Variants in ARL13B observed in about 807,000 individuals in gnomAD.
ARL13B encodes ARF like GTPase 13B.
In ARL13B, 36 loss-of-function variants were observed where a neutral mutation model predicts 56.1. The ratio of observed to expected loss-of-function variants is 0.64; its 90% CI spans 0.49 to 0.85. ARL13B has a LOEUF of 0.85. Among genes scored for constraint, ARL13B ranks in the 40% least tolerant of loss-of-function variants. The pLI, the probability that ARL13B is intolerant of heterozygous loss-of-function variation, is 0.00. For synonymous variants in ARL13B, 178 were observed against 171.1 expected, an observed-to-expected ratio of 1.04 and a Z score of -0.32; for missense variants, 519 against 507.1, an observed-to-expected ratio of 1.02 and a Z score of -0.23.
At chr3:93,980,582 C>A in intron 1 of ARL13B, 100 bp downstream of exon 1, 1 of 1,457,592 alleles carries the variant, frequency 6.9e-7, no homozygotes, top group South Asian at 1.2e-5. Context: ...CGAGTCTATC[C>A]CAGGCCGCAA....
intron 9 of ARL13B, among the ~76,000 whole-genome samples, chr3:94,051,399 C>T (rs922574087): frequency 1.3e-5 from 2 of 151,902 alleles, no homozygotes; most frequent in African/African-American, 2.4e-5. Flanking sequence ...TAATAAAGTT[C>T]GACTAAGTAG....
rs1383858180 is a variant in ARL13B, at chr3:94,035,625, ATTG to A, written c.486+192_486+194del. Among the ~76,000 whole-genome samples, 5 of 152,250 alleles carry A rather than the reference ATTG, an allele frequency of 3.3e-5. No homozygotes were observed. In the South Asian group the frequency reaches 1.0e-3, roughly 32 times the overall value. On this transcript the variant is annotated intron_variant, in intron 4 of 9. Coordinates refer to ENST00000394222, the MANE Select transcript of ARL13B (RefSeq NM_001174150.2). ...TACCATAATATTTGTTGTCTATTTC[ATTG>A]TTATTTCCATGAACTATCTTTCCAT...
chr3:93,988,492 T>C, intron 1 of ARL13B: 1 of 230,150 alleles, frequency 4.3e-6, no homozygotes, highest in Non-Finnish European at 8.7e-6. Flanking sequence ...AACTTAACAA[T>C]GGAATGAGGT....
At chr3:94,001,032 T>C (rs966460676) in intron 2 of ARL13B, among the ~76,000 whole-genome samples, 1 of 152,150 alleles carries the variant, frequency 6.6e-6, no homozygotes, top group African/African-American at 2.4e-5. Flanking sequence ...TACTTTGTGC[T>C]GAATGCTAAG....
chr3:94,039,842 C>T, intron 5 of ARL13B, 38 bp from the exon 6 acceptor site: 1 of 1,584,732 alleles, frequency 6.3e-7, no homozygotes, highest in East Asian at 2.2e-5. Flanking sequence ...TCAGCACTTT[C>T]TCAAAGGAAA....
At chr3:94,043,628 TCCCCCTCCCTCTCCTTCCCTC>T (rs2076915056) in intron 7 of ARL13B, among the ~76,000 whole-genome samples, 1 of 490 alleles carries the variant, frequency 2.0e-3, no homozygotes. Flanking sequence ...CCTCCTCCCC[TCCCCCTCCCTCTCCTTCCCTC>T]CCCCCTCCCC....
chr3:93,996,344 C>G (rs552593797), intron 2 of ARL13B, among the ~76,000 whole-genome samples: 109 of 152,272 alleles, frequency 7.2e-4, no homozygotes, highest in Non-Finnish European at 5.0e-4. Flanking sequence ...AGTTAGCCAG[C>G]ATAGTTCTCT....
chr3:94,052,731 A>G (rs2077086062), intron 9 of ARL13B, among the ~76,000 whole-genome samples: 1 of 152,156 alleles, frequency 6.6e-6, no homozygotes, highest in Non-Finnish European at 1.5e-5. Flanking sequence ...TTTAAAAGGG[A>G]AAATGCTATT....
Position 94,055,611 on chromosome 3 carries a change from A to AT in ARL13B, c.*2349dup. The AT allele has an allele frequency of 2.2e-6, 1 of 453,952 alleles. No individual in the cohort carries two copies. Among genetic ancestry groups the AT allele is most frequent in the East Asian group, 6.9e-5 (1 of 14,394 alleles). 28.1% of individuals were successfully genotyped at this position (453,952 alleles called of 1,614,324 possible). A position where few individuals can be genotyped will look rare whatever the true frequency, so the allele number is the denominator to read the frequency against. On this transcript the variant is annotated 3_prime_UTR_variant, in exon 10 of 10. Transcript: ENST00000394222. ...TTGTGTGCCTTTATGTGTAAAATGC[A>AT]TATTACGTAGTATACATGATATTGT...
At chr3:94,022,200 T>C (rs2076463116) in intron 3 of ARL13B, among the ~76,000 whole-genome samples, 1 of 152,144 alleles carries the variant, frequency 6.6e-6, no homozygotes, top group African/African-American at 2.4e-5. Flanking sequence ...CTCAGTTCAC[T>C]GCAACCTCCT....
At chr3:94,003,268 T>C (rs1267938428) in intron 2 of ARL13B, among the ~76,000 whole-genome samples, 1 of 152,188 alleles carries the variant, frequency 6.6e-6, no homozygotes, top group Non-Finnish European at 1.5e-5. Flanking sequence ...TAAGTGTTCA[T>C]GGTTTTCTTT....
Position 94,000,581 on chromosome 3 carries a change from CAT to C in ARL13B, c.131-3069_131-3068del, listed in dbSNP as rs1444395634. Among the ~76,000 whole-genome samples the C allele has an allele frequency of 3.3e-5, 5 of 151,010 alleles. No homozygotes were observed. The East Asian group carries it at 9.7e-4, about 29-fold the overall frequency. ...AAAAAACAAAAAAATTATAGTTACT[CAT>C]ATATATATTTATGTTTCATATGTAG... On this transcript the variant is annotated intron_variant, in intron 2 of 9. Coordinates refer to ENST00000394222, the MANE Select transcript of ARL13B (RefSeq NM_001174150.2).
chr3:94,012,020 AT>A (rs2107472536), intron 3 of ARL13B, among the ~76,000 whole-genome samples: 1 of 151,636 alleles, frequency 6.6e-6, no homozygotes, highest in Non-Finnish European at 1.5e-5. Context: ...GTTTCTTCAC[AT>A]TTTTCTTTCT....
At chr3:94,033,628 G>A (rs2076714849) in intron 3 of ARL13B, among the ~76,000 whole-genome samples, 1 of 152,096 alleles carries the variant, frequency 6.6e-6, no homozygotes, top group Admixed American at 6.6e-5. Flanking sequence ...TTAAGTAAAG[G>A]TCATCAATGG....
chr3:94,002,686 CCAGT>C (rs1393783561), intron 2 of ARL13B, among the ~76,000 whole-genome samples: 3 of 152,122 alleles, frequency 2.0e-5, no homozygotes, highest in Non-Finnish European at 4.4e-5. Flanking sequence ...ACTGTCACTT[CCAGT>C]CAGTCTAGAG....
intron 3 of ARL13B, among the ~76,000 whole-genome samples, chr3:94,029,352 T>TTTA (rs2076631457): frequency 2.6e-5 from 3 of 114,070 alleles, no homozygotes; most frequent in East Asian, 2.3e-4. Flanking sequence ...TTTTTTTATT[T>TTTA]TTTTTTTTTT....
chr3:94,027,558 C>T (rs1375151007), intron 3 of ARL13B, among the ~76,000 whole-genome samples: 12 of 151,810 alleles, frequency 7.9e-5, no homozygotes, highest in East Asian at 1.9e-4. Flanking sequence ...ATAATGTGTT[C>T]GAGGTATTAC....
chr3:94,047,744 C>A (rs1438585585), intron 7 of ARL13B: 1 of 152,120 alleles, frequency 6.6e-6, no homozygotes, highest in Non-Finnish European at 1.5e-5. Flanking sequence ...CTAATGCCTA[C>A]CCTAAAGTAC....
At chr3:94,004,412 T>C (rs2076100777) in intron 3 of ARL13B, among the ~76,000 whole-genome samples, 1 of 152,280 alleles carries the variant, frequency 6.6e-6, no homozygotes, top group East Asian at 1.9e-4. Context: ...TATGATTTCG[T>C]CCATGTGGGT....
Sources: allele counts gnomAD v4.1 joint callset (sites outside exome capture counted in the v4.1 genomes callset), GRCh38; gene constraint gnomAD v4.1.1; transcripts MANE v1.5; gene names NCBI Gene and HGNC (gene_info 2026-07-23, HGNC 2026-07-21).